The following GLI4 variants were observed in gnomAD, a reference collection of about 807,000 sequenced individuals.
The protein encoded by GLI4 is GLI family zinc finger 4.
Under a neutral mutation model 30.9 loss-of-function variants are expected in GLI4, and 34 were observed. The ratio of observed to expected loss-of-function variants is 1.10; its 90% CI spans 0.84 to 1.47. The LOEUF is 1.47. GLI4 is among the 40% of genes most tolerant of loss of function. The pLI is 0.00. For synonymous variants in GLI4, 277 were observed against 236.7 expected, an observed-to-expected ratio of 1.17 and a Z score of -1.56; for missense variants, 696 against 538.9, an observed-to-expected ratio of 1.29 and a Z score of -2.89.
chr8:143,275,716 G>A, intron 3 of GLI4, 181 bp from the exon 4 acceptor site: 1 of 1,239,844 alleles, frequency 8.1e-7, no homozygotes, highest in Non-Finnish European at 1.0e-6. Context: ...GTCTATGTCA[G>A]CTCTCCTGGG....
rs1324052413 is a variant in GLI4 at position 143,276,220 on chromosome 8, C to A, written c.547C>A (p.His183Asn). 8.8e-6 allele frequency: 14 copies of A among 1,590,972 alleles called. No individual in the cohort carries two copies. The Admixed American group carries it at 2.5e-4, about 28-fold the overall frequency. Residue 183 changes from histidine to asparagine, a missense_variant, in exon 4 of 4, where the codon CAC (histidine) becomes AAC (asparagine). Coordinates refer to ENST00000340042, the MANE Select transcript of GLI4 (RefSeq NM_138465.4). Reference sequence around the variant, plus strand: ...GGGCAGCGCGCGGGGGGCCAAGCCGCACAGGTGCGAGGCCTGCGGCAAGAG... The same window carrying A: ...GGGCAGCGCGCGGGGGGCCAAGCCGAACAGGTGCGAGGCCTGCGGCAAGAG... ...RQGSARGAKP[H>N]RCEACGKSFK...
intron 3 of GLI4, 23 bp from the exon 4 acceptor site, chr8:143,275,874 G>A: frequency 7.9e-7 from 1 of 1,269,298 alleles, no homozygotes; most frequent in Non-Finnish European, 9.9e-7. Context: ...GGTACTATCC[G>A]CCTCTGCCGT....
intron 3 of GLI4, 45 bp downstream of exon 3, chr8:143,274,847 G>A (rs374400439): frequency 5.9e-5 from 89 of 1,520,674 alleles, no homozygotes; most frequent in Admixed American, 1.4e-4. Context: ...AGCTCTGCGC[G>A]TGCCAGGCTC....
intron 3 of GLI4, chr8:143,275,220 G>C: frequency 6.5e-7 from 1 of 1,534,662 alleles, no homozygotes; most frequent in Non-Finnish European, 8.7e-7. Flanking sequence ...CCTGGTTGGA[G>C]CTGTGTCCAG....
chr8:143,269,480 G>GCAC lies in GLI4; in HGVS notation c.88_90dup (p.His30dup). 1 of 1,612,956 alleles carries GCAC rather than the reference G, an allele frequency of 6.2e-7. No homozygotes were observed. The highest frequency in any genetic ancestry group is 8.5e-7 in the Non-Finnish European group (1 of 1,179,454). ...CATCACCGGGGACACCTGGAACCCAGCACCACGAGCCTCAGCTTCACCTCC... is the reference window on the plus strand; with the variant it reads ...CATCACCGGGGACACCTGGAACCCAGCACCACCACGAGCCTCAGCTTCACCTCC... On this transcript the variant is annotated inframe_insertion, in exon 2 of 4. Coordinates refer to ENST00000340042, the MANE Select transcript of GLI4 (RefSeq NM_138465.4).
At position 143,269,513 on chromosome 8, in the gene GLI4, TCAA is replaced by T; in HGVS notation, c.120_122del (p.Gln40del). The T allele has an allele frequency of 6.2e-7, 1 of 1,612,824 alleles. No individual in the cohort carries two copies. Among genetic ancestry groups the T allele is most frequent in the South Asian group, 1.1e-5 (1 of 91,066 alleles). ...AGCCTCAGCTTCACCTCCATGGGCA[TCAA>T]CATGGTACTCACCCAGCCCGCTGTG... On this transcript the variant is annotated inframe_deletion, in exon 2 of 4. Transcript: ENST00000340042.
chr8:143,275,852 T>TG, intron 3 of GLI4, 45 bp from the exon 4 acceptor site: 1 of 1,255,666 alleles, frequency 8.0e-7, no homozygotes, highest in Non-Finnish European at 1.0e-6. Context: ...CGTGCCACGG[T>TG]GGGGGCATGC....
intron 2 of GLI4, among the ~76,000 whole-genome samples, chr8:143,270,318 G>A (rs1000074700): frequency 2.0e-5 from 3 of 152,258 alleles, no homozygotes; most frequent in African/African-American, 7.2e-5. Flanking sequence ...GGGCCCTCAG[G>A]TGGGCACTCA....
intron 2 of GLI4, among the ~76,000 whole-genome samples, chr8:143,272,884 G>A (rs1348536071): frequency 2.0e-5 from 3 of 152,190 alleles, no homozygotes; most frequent in South Asian, 2.1e-4. Flanking sequence ...CCGCAGCAGG[G>A]TAGAGACGGT....
intron 2 of GLI4, among the ~76,000 whole-genome samples, chr8:143,273,848 C>T (rs1321848048): frequency 6.6e-6 from 1 of 151,636 alleles, no homozygotes. Flanking sequence ...AGGTGAGGCA[C>T]CAGGGTGGCA....
Position 143,267,882 on chromosome 8 carries a change from G to A in GLI4, c.-38+398G>A, listed in dbSNP as rs999928602. ...ACGCGCTCTGTGCCGAGCTCCCGGC[G>A]ATTGGGTCCGCTCCCACGGGGCTGG... On this transcript the variant is annotated intron_variant, in intron 1 of 3. Coordinates refer to ENST00000340042, the MANE Select transcript of GLI4 (RefSeq NM_138465.4). 5 of 985,356 alleles carry A rather than the reference G, an allele frequency of 5.1e-6. No homozygotes were observed. The African/African-American group carries it at 5.2e-5, about 10-fold the overall frequency. The allele number at this position is 985,356 out of a possible 1,614,324, so 61.0% of individuals were successfully genotyped here. A position where few individuals can be genotyped will look rare whatever the true frequency, so the allele number is the denominator to read the frequency against.
chr8:143,272,051 C>T (rs1815279605), intron 2 of GLI4, among the ~76,000 whole-genome samples: 1 of 152,174 alleles, frequency 6.6e-6, no homozygotes, highest in African/African-American at 2.4e-5. Context: ...GCCAGCACTG[C>T]CTGGGCCGGT....
intron 2 of GLI4, among the ~76,000 whole-genome samples, chr8:143,271,882 G>T (rs1815276010): frequency 6.6e-6 from 1 of 152,250 alleles, no homozygotes; most frequent in African/African-American, 2.4e-5. Context: ...GCAGAGCGGG[G>T]AGACCAGGCG....
intron 1 of GLI4, among the ~76,000 whole-genome samples, chr8:143,268,950 T>C (rs1815205073): frequency 6.6e-6 from 1 of 151,728 alleles, no homozygotes. Context: ...TTCAAGCTGT[T>C]CTCCTGCCTC....
chr8:143,267,516 G>T (rs1343669118), intron 1 of GLI4, 32 bp downstream of exon 1: 3 of 986,222 alleles, frequency 3.0e-6, no homozygotes, highest in Admixed American at 1.2e-4. Flanking sequence ...CGGCGGCTCC[G>T]GGTGCCTGGG....
Position 143,276,305 on chromosome 8 carries a change from A to C in GLI4, c.632A>C (p.Tyr211Ser). The change falls in exon 4 of 4, where the codon TAC becomes TCC. Residue 211 changes from tyrosine (Y) to serine (S), a missense_variant. Coordinates refer to ENST00000340042, the MANE Select transcript of GLI4 (RefSeq NM_138465.4). ...CGCATCCACACGGGCGAGAAGCCCTACGCCTGCCACGAGTGCGGCAAGCGC... is the reference window on the plus strand; with the variant it reads ...CGCATCCACACGGGCGAGAAGCCCTCCGCCTGCCACGAGTGCGGCAAGCGC... ...HQRIHTGEKP[Y>S]ACHECGKRFR... 1 of 1,611,348 alleles carries C rather than the reference A, an allele frequency of 6.2e-7. No individual in the cohort carries two copies. Among genetic ancestry groups the C allele is most frequent in the Non-Finnish European group, 8.5e-7 (1 of 1,179,340 alleles).
intron 2 of GLI4, among the ~76,000 whole-genome samples, chr8:143,270,651 T>C (rs1815247446): frequency 6.6e-6 from 1 of 152,160 alleles, no homozygotes; most frequent in South Asian, 2.1e-4. Context: ...GGGCCCACCC[T>C]TGCCCTCTCA....
Position 143,276,817 on chromosome 8 carries a change from T to C in GLI4, c.*13T>C. The C allele has an allele frequency of 1.3e-6, 2 of 1,507,464 alleles. No individual in the cohort carries two copies. The highest frequency in any genetic ancestry group is 1.8e-6 in the Non-Finnish European group (2 of 1,125,288). The allele number at this position is 1,507,464 out of a possible 1,614,324, so 93.4% of individuals were successfully genotyped here. A position where few individuals can be genotyped will look rare whatever the true frequency, so the allele number is the denominator to read the frequency against. ...CTACCGCGAGTAGCCGGGCGGGGGCTCGGGGCTCGGCCTCCTACCTGCCCC... is the reference window on the plus strand; with the variant it reads ...CTACCGCGAGTAGCCGGGCGGGGGCCCGGGGCTCGGCCTCCTACCTGCCCC... On this transcript the variant is annotated 3_prime_UTR_variant, in exon 4 of 4. Transcript: ENST00000340042.
rs764504958 is a variant in GLI4 at position 143,276,811 on chromosome 8, G to A, written c.*7G>A. 7 of 1,525,186 alleles carry A rather than the reference G, an allele frequency of 4.6e-6. No homozygotes were observed. The highest frequency in any genetic ancestry group is 1.4e-5 in the African/African-American group (1 of 73,002). 94.5% of individuals were successfully genotyped at this position (1,525,186 alleles called of 1,614,324 possible). ...GGTGCACTACCGCGAGTAGCCGGGC[G>A]GGGGCTCGGGGCTCGGCCTCCTACC... On this transcript the variant is annotated 3_prime_UTR_variant, in exon 4 of 4. Transcript: ENST00000340042.
Sources: allele counts gnomAD v4.1 joint callset (sites outside exome capture counted in the v4.1 genomes callset), GRCh38; gene constraint gnomAD v4.1.1; transcripts MANE v1.5; gene names NCBI Gene and HGNC (gene_info 2026-07-23, HGNC 2026-07-21).